The following MPHOSPH9 variants were observed in gnomAD, a reference collection of about 807,000 sequenced individuals.
MPHOSPH9 encodes the protein M-phase phosphoprotein 9.
A neutral mutation model predicts 145.5 loss-of-function variants in MPHOSPH9; 88 were observed. The observed-to-expected ratio is 0.60, with a 90% CI of 0.51 to 0.72. The LOEUF (loss-of-function observed/expected upper bound fraction) is 0.72, where lower values mean the gene tolerates loss of function less well. Ranked by LOEUF, MPHOSPH9 falls within the 30% of genes least tolerant of loss-of-function variation. MPHOSPH9 has a pLI of 0.00. For synonymous variants in MPHOSPH9, 435 were observed against 486.2 expected (o/e 0.89, Z 1.39); for missense variants, 1,238 against 1,386.6 (o/e 0.89, Z 1.70).
rs1039540347 is a variant in MPHOSPH9, at chr12:123,176,739, A to G, written c.2405T>C (p.Met802Thr). Residue 802 changes from methionine (M) to threonine (T), a missense_variant, in exon 16 of 24, where the codon ATG (methionine) becomes ACG (threonine). Physicochemically the swap from Met to Thr is moderately conservative, Grantham distance 81. Transcript: ENST00000606320. ...AQVKQVEHEN[M>T]LSLRHNSRIH... The stretch of plus-strand genomic sequence containing the variant: ...TCTAGAATTATGACGAAGGCTTAAC[A>G]TATTTTCATGTTCTACTTGCTTGAC... The G allele has an allele frequency of 3.1e-6, 5 of 1,613,942 alleles. No homozygotes were observed. The highest frequency in any genetic ancestry group is 3.4e-6 in the Non-Finnish European group (4 of 1,180,002).
chr12:123,181,084 G>A (rs767229901), intron 14 of MPHOSPH9, 79 bp downstream of exon 14: 34 of 1,316,258 alleles, frequency 2.6e-5, no homozygotes, highest in Non-Finnish European at 3.5e-5. Context: ...GCAAGGAGGA[G>A]AAGAGTCAGA....
intron 23 of MPHOSPH9, among the ~76,000 whole-genome samples, chr12:123,158,502 G>A (rs190183561): frequency 1.4e-4 from 21 of 152,212 alleles, no homozygotes; most frequent in Middle Eastern, 3.4e-3. Context: ...CTTACTCAAG[G>A]GGCTGAGGCC....
chr12:123,180,788 G>A (rs1202509158), intron 14 of MPHOSPH9, among the ~76,000 whole-genome samples: 4 of 152,030 alleles, frequency 2.6e-5, no homozygotes, highest in Admixed American at 1.3e-4. Context: ...CAGAAGAATC[G>A]CTTGAACCCA....
chr12:123,202,334 A>AT lies in MPHOSPH9; in HGVS notation c.1782-16dup. On this transcript the variant is annotated splice_polypyrimidine_tract_variant and intron_variant, in intron 10 of 23. Transcript: ENST00000606320. Reference sequence around the variant, plus strand: ...TCTGCCTAATCCTTATTCAGTGAGAATAAAAAATATATATTAGGAAAGCTA... The same window carrying AT: ...TCTGCCTAATCCTTATTCAGTGAGAATTAAAAAATATATATTAGGAAAGCTA... The AT allele has an allele frequency of 6.4e-7, 1 of 1,570,650 alleles. No individual in the cohort carries two copies. Among genetic ancestry groups the AT allele is most frequent in the Non-Finnish European group, 8.6e-7 (1 of 1,164,534 alleles).
intron 16 of MPHOSPH9, 48 bp from the exon 17 acceptor site, chr12:123,166,837 TCA>T: frequency 6.3e-7 from 1 of 1,582,862 alleles, no homozygotes; most frequent in Non-Finnish European, 8.6e-7. Flanking sequence ...GCACTTCATT[TCA>T]GACTGCATGT....
intron 16 of MPHOSPH9, among the ~76,000 whole-genome samples, chr12:123,173,306 G>A (rs2044675949): frequency 6.6e-6 from 1 of 152,190 alleles, no homozygotes; most frequent in African/African-American, 2.4e-5. Flanking sequence ...AGCAATGTGA[G>A]ATTATGACAT....
chr12:123,199,800 A>AG (rs2046138674), intron 11 of MPHOSPH9, among the ~76,000 whole-genome samples: 1 of 151,954 alleles, frequency 6.6e-6, no homozygotes, highest in Non-Finnish European at 1.5e-5. Flanking sequence ...AAAAAAAAAA[A>AG]AAAGAAAGAA....
chr12:123,174,847 T>C (rs1440577509), intron 16 of MPHOSPH9, among the ~76,000 whole-genome samples: 4 of 152,218 alleles, frequency 2.6e-5, no homozygotes, highest in Non-Finnish European at 1.5e-5. Flanking sequence ...CTTTAGTTGT[T>C]TGAGAGAGAA....
At chr12:123,224,509 G>A (rs1259034444) in intron 3 of MPHOSPH9, among the ~76,000 whole-genome samples, 13 of 152,090 alleles carry the variant, frequency 8.5e-5, no homozygotes, top group Admixed American at 8.5e-4. Context: ...GACCTCAAGT[G>A]ATCCACCCGC....
At chr12:123,224,128 AC>A in intron 3 of MPHOSPH9, among the ~76,000 whole-genome samples, 1 of 134,312 alleles carries the variant, frequency 7.4e-6, no homozygotes, top group Non-Finnish European at 1.5e-5. Context: ...ATATATATAC[AC>A]ATTTTTTTTT....
intron 16 of MPHOSPH9, among the ~76,000 whole-genome samples, chr12:123,171,796 C>T (rs1242931161): frequency 6.6e-6 from 1 of 152,032 alleles, no homozygotes; most frequent in Non-Finnish European, 1.5e-5. Flanking sequence ...ATATATATCT[C>T]AAGCACACAT....
intron 7 of MPHOSPH9, among the ~76,000 whole-genome samples, chr12:123,213,625 C>T (rs1418697082): frequency 1.3e-5 from 2 of 152,176 alleles, no homozygotes; most frequent in African/African-American, 2.4e-5. Flanking sequence ...AGGCATGAGC[C>T]ACTGTGCCCA....
At chr12:123,172,301 T>A (rs912791837) in intron 16 of MPHOSPH9, among the ~76,000 whole-genome samples, 10 of 152,058 alleles carry the variant, frequency 6.6e-5, no homozygotes, top group Non-Finnish European at 1.2e-4. Context: ...ATTGTATTTG[T>A]GGACACTAAA....
rs764602548 is a variant in MPHOSPH9 at position 123,214,841 on chromosome 12, G to GA, written c.997-8dup. 5.6e-6 allele frequency: 9 copies of GA among 1,605,878 alleles called. No individual in the cohort carries two copies. The East Asian group carries it at 1.8e-4, about 32-fold the overall frequency. On this transcript the variant is annotated splice_polypyrimidine_tract_variant and splice_region_variant and intron_variant, in intron 6 of 23. Transcript: ENST00000606320. ...TAGCAGCAGCAAAATCAGACTACAAGAAAGAAAACTATTGATTGACAGCTA... is the reference window on the plus strand; with the variant it reads ...TAGCAGCAGCAAAATCAGACTACAAGAAAAGAAAACTATTGATTGACAGCTA...
intron 5 of MPHOSPH9, among the ~76,000 whole-genome samples, chr12:123,220,267 T>C (rs1050205853): frequency 2.0e-5 from 3 of 149,972 alleles, no homozygotes; most frequent in African/African-American, 7.4e-5. Context: ...AAAAAGAAAA[T>C]AAAAAACATA....
Position 123,165,291 on chromosome 12 carries a change from G to A in MPHOSPH9, c.2767+11C>T, listed in dbSNP as rs1261004246. On this transcript the variant is annotated intron_variant, in intron 18 of 23. Coordinates refer to ENST00000606320, the MANE Select transcript of MPHOSPH9 (RefSeq NM_022782.4). ...TCTATATCCATCTATCTCAAACAAGGAAATACTCACTATTTGAGGTGTCCT... is the reference window on the plus strand; with the variant it reads ...TCTATATCCATCTATCTCAAACAAGAAAATACTCACTATTTGAGGTGTCCT... 2 of 1,602,618 alleles carry A rather than the reference G, an allele frequency of 1.2e-6. No homozygotes were observed. The highest frequency in any genetic ancestry group is 3.4e-5 in the Admixed American group (2 of 58,960).
chr12:123,195,656 C>T (rs1296720235), intron 12 of MPHOSPH9, among the ~76,000 whole-genome samples: 1 of 152,008 alleles, frequency 6.6e-6, no homozygotes, highest in Admixed American at 6.6e-5. Flanking sequence ...ACAATCATTT[C>T]TGGAATACCC....
intron 11 of MPHOSPH9, among the ~76,000 whole-genome samples, chr12:123,201,222 A>G (rs904388937): frequency 1.7e-5 from 2 of 119,256 alleles, no homozygotes; most frequent in East Asian, 7.3e-4. Flanking sequence ...CATAACTTTG[A>G]AAGTTAAACT....
downstream of MPHOSPH9, chr12:123,153,254 G>C (rs971326150): frequency 6.6e-6 from 1 of 152,168 alleles, no homozygotes. Flanking sequence ...TAAGACCAAA[G>C]TGCTTTCTGA....
Sources: gnomAD v4.1 joint callset for allele counts (sites outside exome capture counted in the v4.1 genomes callset) on GRCh38, gnomAD v4.1.1 for gene constraint, MANE v1.5 for transcripts, NCBI Gene and HGNC (gene_info 2026-07-23, HGNC 2026-07-21) for gene names.